Variants in ESRRG observed in about 807,000 individuals in gnomAD.
ESRRG encodes the protein estrogen related receptor gamma, also known as estrogen-related receptor gamma.
ESRRG carries 13 observed loss-of-function variants against 44.0 expected under a neutral mutation model. The observed-to-expected ratio is 0.30, with a 90% CI of 0.19 to 0.47. The LOEUF is 0.47. Ranked by LOEUF, ESRRG falls within the 20% of genes least tolerant of loss-of-function variation. ESRRG has a pLI of 1.00. For missense variants in ESRRG, 395 were observed against 580.6 expected, an observed-to-expected ratio of 0.68 and a Z score of 3.29; for synonymous variants, 215 against 214.6, an observed-to-expected ratio of 1.00 and a Z score of -0.02.
intron 1 of ESRRG, among the ~76,000 whole-genome samples, chr1:217,098,329 T>C (rs143226414): frequency 4.5e-4 from 69 of 152,254 alleles, no homozygotes; most frequent in African/African-American, 1.6e-3. Flanking sequence ...TTATGGTATT[T>C]TACCATTTAG....
At chr1:216,707,801 T>A (rs966811708) in intron 1 of ESRRG, among the ~76,000 whole-genome samples, 6 of 152,242 alleles carry the variant, frequency 3.9e-5, no homozygotes, top group African/African-American at 1.4e-4. Flanking sequence ...ACACATGTAA[T>A]ATTTTTTGAT....
At chr1:216,571,727 A>G (rs1279723594) in intron 3 of ESRRG, among the ~76,000 whole-genome samples, 3 of 151,994 alleles carry the variant, frequency 2.0e-5, no homozygotes, top group African/African-American at 7.3e-5. Context: ...CCAGTGAAAA[A>G]CCTTTCACAT....
At chr1:217,127,864 T>A (rs971063561) in intron 1 of ESRRG, among the ~76,000 whole-genome samples, 4 of 152,362 alleles carry the variant, frequency 2.6e-5, no homozygotes, top group East Asian at 1.9e-4. Flanking sequence ...TCCATTTTTT[T>A]AAATAAATAT....
At chr1:216,633,933 A>G (rs1045094565) in intron 3 of ESRRG, among the ~76,000 whole-genome samples, 1 of 152,232 alleles carries the variant, frequency 6.6e-6, no homozygotes, top group Non-Finnish European at 1.5e-5. Context: ...GCTCTAAACA[A>G]TAACAATTTG....
chr1:217,031,858 T>C (rs1273109596), intron 1 of ESRRG, among the ~76,000 whole-genome samples: 1 of 152,220 alleles, frequency 6.6e-6, no homozygotes, highest in African/African-American at 2.4e-5. Context: ...CTTTCCACCA[T>C]GATTGGAAGT....
chr1:217,045,342 T>C (rs2084676228), intron 1 of ESRRG, among the ~76,000 whole-genome samples: 1 of 152,276 alleles, frequency 6.6e-6, no homozygotes, highest in African/African-American at 2.4e-5. Context: ...CAGGAAACCA[T>C]TGACACAACC....
At chr1:216,829,778 TCCTGA>T (rs1311845042) in intron 2 of ESRRG, among the ~76,000 whole-genome samples, 1 of 152,030 alleles carries the variant, frequency 6.6e-6, no homozygotes, top group East Asian at 1.9e-4. Flanking sequence ...GGTCTCAAAC[TCCTGA>T]CCTCGAATGA....
chr1:216,518,308 T>A (rs1206704309), intron 6 of ESRRG, among the ~76,000 whole-genome samples: 1 of 152,104 alleles, frequency 6.6e-6, no homozygotes, highest in Non-Finnish European at 1.5e-5. Flanking sequence ...ATTGACAGTT[T>A]CCTTCTTGTA....
intron 1 of ESRRG, among the ~76,000 whole-genome samples, chr1:217,085,481 ATTTTTTTTTTTT>A (rs148354268): frequency 8.1e-5 from 4 of 49,130 alleles, no homozygotes; most frequent in East Asian, 7.7e-4. Context: ...TTTTCTTTTC[ATTTTTTTTTTTT>A]TTTTTTTTTT....
intron 1 of ESRRG, among the ~76,000 whole-genome samples, chr1:216,690,101 A>T (rs542348512): frequency 1.6e-3 from 239 of 152,236 alleles, no homozygotes; most frequent in African/African-American, 5.7e-3. Flanking sequence ...CCACTCCTAG[A>T]TATTCACTAC....
At chr1:217,035,383 G>A (rs915378200) in intron 1 of ESRRG, among the ~76,000 whole-genome samples, 2 of 148,474 alleles carry the variant, frequency 1.3e-5, no homozygotes, top group African/African-American at 5.0e-5. Context: ...GTAAAGAATA[G>A]CTGTTGTTGT....
At chr1:216,977,752 T>C (rs1016797463) in intron 1 of ESRRG, among the ~76,000 whole-genome samples, 4 of 152,190 alleles carry the variant, frequency 2.6e-5, no homozygotes, top group Non-Finnish European at 4.4e-5. Context: ...AAAACTCATA[T>C]TGACATTTCA....
At chr1:217,135,889 G>A (rs1022052376) in intron 1 of ESRRG, among the ~76,000 whole-genome samples, 1 of 152,174 alleles carries the variant, frequency 6.6e-6, no homozygotes, top group African/African-American at 2.4e-5. Flanking sequence ...CAAATAAGAG[G>A]AGCAGGCGTG....
intron 3 of ESRRG, among the ~76,000 whole-genome samples, chr1:216,630,143 A>G (rs2063882085): frequency 6.6e-6 from 1 of 152,184 alleles, no homozygotes; most frequent in African/African-American, 2.4e-5. Flanking sequence ...GGATTAGATG[A>G]CAAATAAATA....
At chr1:217,113,137 C>T (rs2102467798) in intron 1 of ESRRG, among the ~76,000 whole-genome samples, 1 of 152,236 alleles carries the variant, frequency 6.6e-6, no homozygotes, top group East Asian at 1.9e-4. Context: ...GGCCTTTCTA[C>T]CAGCAGGAAA....
intron 3 of ESRRG, among the ~76,000 whole-genome samples, chr1:216,622,169 T>A (rs1262096761): frequency 1.3e-5 from 2 of 152,202 alleles, no homozygotes; most frequent in Non-Finnish European, 2.9e-5. Context: ...ACTTACTATA[T>A]CAGGAAAACA....
At chr1:216,604,999 G>A (rs572408802) in intron 3 of ESRRG, among the ~76,000 whole-genome samples, 1 of 152,298 alleles carries the variant, frequency 6.6e-6, no homozygotes, top group African/African-American at 2.4e-5. Context: ...GAAGGAGGGA[G>A]GGGGAGATGC....
At chr1:217,002,186 C>T (rs531861002) in intron 1 of ESRRG, among the ~76,000 whole-genome samples, 2 of 151,364 alleles carry the variant, frequency 1.3e-5, no homozygotes, top group Admixed American at 6.6e-5. Flanking sequence ...TCTGTAATTC[C>T]AGCTACCCTG....
At chr1:216,711,809 A>G (rs769148017) in intron 1 of ESRRG, among the ~76,000 whole-genome samples, 1 of 152,244 alleles carries the variant, frequency 6.6e-6, no homozygotes, top group Non-Finnish European at 1.5e-5. Context: ...GCCCATCAGA[A>G]AAATAATTTT....
Sources: allele counts gnomAD v4.1 joint callset (sites outside exome capture counted in the v4.1 genomes callset), GRCh38; gene constraint gnomAD v4.1.1; transcripts MANE v1.5; gene names NCBI Gene and HGNC (gene_info 2026-07-23, HGNC 2026-07-21).